The following PRDM16 variants were observed in gnomAD, a reference collection of about 807,000 sequenced individuals.
PRDM16 encodes histone-lysine N-methyltransferase PRDM16.
In PRDM16, 23 loss-of-function variants were observed where a neutral mutation model predicts 110.6. The observed-to-expected ratio is 0.21, with a 90% CI of 0.15 to 0.29. The LOEUF (loss-of-function observed/expected upper bound fraction) is 0.29. PRDM16 is among the 10% of genes least tolerant of loss of function. The probability of loss-of-function intolerance (pLI) is 1.00; values close to 1 mark genes in which losing one functional copy is unlikely to be tolerated. For synonymous variants in PRDM16, 799 were observed against 781.8 expected (o/e 1.02, Z -0.37); for missense variants, 1,615 against 1,794.3 (o/e 0.90, Z 1.81).
At chr1:3,385,924 C>T (rs1035852356) in intron 4 of PRDM16, among the ~76,000 whole-genome samples, 2 of 152,238 alleles carry the variant, frequency 1.3e-5, no homozygotes, top group African/African-American at 4.8e-5. Flanking sequence ...GGCTGGTCCA[C>T]ACCACCACCA....
At position 3,425,788 on chromosome 1, in the gene PRDM16, A is replaced by G; in HGVS notation, c.3109+38A>G. ...GGGTGGGGCAGCCCCCAGAGCACCC[A>G]CACGGGCAGGCCCCACAGAGGGGGA... is the stretch of plus-strand genomic sequence containing the variant. On this transcript the variant is annotated intron_variant, in intron 13 of 16. Coordinates refer to ENST00000270722, the MANE Select transcript of PRDM16 (RefSeq NM_022114.4). This position sits in a 1 kb window ranked among gnomAD's most constrained non-coding sequence, Gnocchi z 6.9. The G allele has an allele frequency of 1.2e-6, 2 of 1,610,070 alleles. No homozygotes were observed. The highest frequency in any genetic ancestry group is 1.7e-6 in the Non-Finnish European group (2 of 1,177,978).
chr1:3,369,148 G>A (rs1220338818), intron 3 of PRDM16, among the ~76,000 whole-genome samples: 1 of 152,172 alleles, frequency 6.6e-6, no homozygotes, highest in African/African-American at 2.4e-5. Flanking sequence ...TTTGTCAAAG[G>A]TGACTAGCTG....
chr1:3,240,244 C>T (rs534611900), intron 2 of PRDM16, among the ~76,000 whole-genome samples: 2 of 151,850 alleles, frequency 1.3e-5, no homozygotes, highest in East Asian at 3.9e-4. Context: ...AGTGAGACCC[C>T]ATCTCTACAA....
Position 3,210,493 on chromosome 1 carries a change from C to T in PRDM16, c.387+24019C>T, listed in dbSNP as rs116166823. On this transcript the variant is annotated intron_variant, in intron 2 of 16. Coordinates refer to ENST00000270722, the MANE Select transcript of PRDM16 (RefSeq NM_022114.4). The stretch of plus-strand genomic sequence containing the variant: ...CATCATGGAAGTGTGTGCGTGCACG[C>T]GTGTGTCTGTGCACGCGTGTGACTT... Among the ~76,000 whole-genome samples the T allele has an allele frequency of 8.0e-3, 1,213 of 152,290 alleles. 15 individuals carry two copies. Among genetic ancestry groups the T allele is most frequent in the African/African-American group, 0.018 (746 of 41,566 alleles).
chr1:3,428,313 G>T (rs58043752), intron 14 of PRDM16, among the ~76,000 whole-genome samples: 1 of 128,546 alleles, frequency 7.8e-6, no homozygotes, highest in Non-Finnish European at 1.7e-5. Context: ...GGTGCAGCCC[G>T]GCCGCACTGC....
At chr1:3,343,440 A>T (rs993216506) in intron 3 of PRDM16, among the ~76,000 whole-genome samples, 5 of 150,198 alleles carry the variant, frequency 3.3e-5, no homozygotes, top group Non-Finnish European at 5.9e-5. Context: ...TTATTTTCTT[A>T]GCTGAGTCTT....
chr1:3,086,780 T>G (rs1037859314), intron 1 of PRDM16, among the ~76,000 whole-genome samples: 1 of 152,182 alleles, frequency 6.6e-6, no homozygotes, highest in Non-Finnish European at 1.5e-5. Context: ...TCTTCATTTC[T>G]TTATTTTTTT....
rs543923000 is a variant in PRDM16, at chr1:3,141,557, G to A, written c.38-44568G>A. On this transcript the variant is annotated intron_variant, in intron 1 of 16. Transcript: ENST00000270722. ...CGTTATCAGTGAGATATCAAAGCCC[G>A]GCCAGGCCTCTGCCCGGACCCTTCT... 5.3e-5 allele frequency among the ~76,000 whole-genome samples: 8 copies of A among 152,340 alleles called. No homozygotes were observed. In the South Asian group the frequency reaches 8.3e-4, roughly 16 times the overall value.
chr1:3,357,210 G>GC (rs1642622428), intron 3 of PRDM16, among the ~76,000 whole-genome samples: 1 of 152,162 alleles, frequency 6.6e-6, no homozygotes, highest in Non-Finnish European at 1.5e-5. Context: ...CTGGCTCTTG[G>GC]CCCCCAGGGT....
intron 1 of PRDM16, among the ~76,000 whole-genome samples, chr1:3,152,807 C>A (rs1365107897): frequency 6.6e-6 from 1 of 152,182 alleles, no homozygotes; most frequent in Non-Finnish European, 1.5e-5. Context: ...ATGGCCTGAG[C>A]CCCAGGAGGT....
At position 3,377,346 on chromosome 1, in the gene PRDM16, C is replaced by T. The variant is rs114288317; in HGVS notation, c.439-7806C>T. ...CTAGGCAAGCTGATGATGGATGCTG[C>T]GGCGTTCCCACCTGCACGCACACCC... On this transcript the variant is annotated intron_variant, in intron 3 of 16. Transcript: ENST00000270722. 4.5e-3 allele frequency among the ~76,000 whole-genome samples: 690 copies of T among 152,320 alleles called. 5 individuals carry two copies. Among genetic ancestry groups the T allele is most frequent in the African/African-American group, 0.015 (640 of 41,578 alleles).
chr1:3,143,195 G>A lies in PRDM16; in HGVS notation c.38-42930G>A, dbSNP rs1483687478. Reference sequence around the variant, plus strand: ...GGGAGTCGCTGGTTTGCAGCCCCTCGGGGGCCGAGTGTTCCGGGCTCTGAT... The same window carrying A: ...GGGAGTCGCTGGTTTGCAGCCCCTCAGGGGCCGAGTGTTCCGGGCTCTGAT... On this transcript the variant is annotated intron_variant, in intron 1 of 16. Coordinates refer to ENST00000270722, the MANE Select transcript of PRDM16 (RefSeq NM_022114.4). The surrounding 1 kb of genome is among the most constrained non-coding windows in gnomAD (Gnocchi z 4.5). Among the ~76,000 whole-genome samples the A allele has an allele frequency of 2.6e-5, 4 of 152,158 alleles. No homozygotes were observed. Among genetic ancestry groups the A allele is most frequent in the Non-Finnish European group, 5.9e-5 (4 of 68,034 alleles).
At chr1:3,361,024 A>G (rs1470886147) in intron 3 of PRDM16, among the ~76,000 whole-genome samples, 1 of 152,056 alleles carries the variant, frequency 6.6e-6, no homozygotes, top group African/African-American at 2.4e-5. Context: ...GAGCGAGGAC[A>G]CTGACTAACA....
chr1:3,419,089 G>A (rs936202684), intron 12 of PRDM16, among the ~76,000 whole-genome samples: 14 of 152,186 alleles, frequency 9.2e-5, no homozygotes, highest in African/African-American at 3.4e-4. Flanking sequence ...GTCCACATGG[G>A]AGAAAACCTC....
At position 3,430,900 on chromosome 1, in the gene PRDM16, G is replaced by A. The variant is rs1358863856; in HGVS notation, c.3313G>A (p.Ala1105Thr). The A allele has an allele frequency of 5.0e-6, 8 of 1,614,146 alleles. No individual in the cohort carries two copies. The highest frequency in any genetic ancestry group is 5.9e-6 in the Non-Finnish European group (7 of 1,180,036). ...GGACATGCAGATCGTGGACGGCAGT[G>A]CCCAGTGTCCAGGCCTAGCCAGTGA... ...RADMQIVDGS[A>T]QCPGLASEKQ... Residue 1105 changes from alanine (A) to threonine (T), a missense_variant, in exon 15 of 17, where the codon GCC (alanine) becomes ACC (threonine). Coordinates refer to ENST00000270722, the MANE Select transcript of PRDM16 (RefSeq NM_022114.4).
intron 3 of PRDM16, among the ~76,000 whole-genome samples, chr1:3,259,308 C>T (rs1024958138): frequency 1.3e-4 from 20 of 152,202 alleles, no homozygotes; most frequent in Admixed American, 1.2e-3. Context: ...GGGGAGACAT[C>T]GCCTGGGCCT....
intron 2 of PRDM16, among the ~76,000 whole-genome samples, chr1:3,232,007 A>AGCGT (rs1639428399): frequency 2.0e-5 from 3 of 152,302 alleles, no homozygotes; most frequent in African/African-American, 7.2e-5. Flanking sequence ...CCATTAGGAA[A>AGCGT]GCATGCAGTC....
At chr1:3,192,816 G>A (rs1196160565) in intron 2 of PRDM16, among the ~76,000 whole-genome samples, 2 of 152,176 alleles carry the variant, frequency 1.3e-5, no homozygotes, top group African/African-American at 4.8e-5. Flanking sequence ...ACACCCGGCT[G>A]CCTTGTTGCC....
In PRDM16 at chr1:3,252,000, G is replaced by A. The variant is rs144518570; in HGVS notation, c.438+7863G>A. On this transcript the variant is annotated intron_variant, in intron 3 of 16. Transcript: ENST00000270722. ...CCTCCTAAGATACCTGCCAAACCTCGTTACCACGATTCTCATCAGCTGGGC... is the reference window on the plus strand; with the variant it reads ...CCTCCTAAGATACCTGCCAAACCTCATTACCACGATTCTCATCAGCTGGGC... 3.6e-3 allele frequency among the ~76,000 whole-genome samples: 542 copies of A among 152,278 alleles called. 3 individuals are homozygous for A. Among genetic ancestry groups the A allele is most frequent in the African/African-American group, 0.012 (503 of 41,560 alleles).
Sources: gnomAD v4.1 joint callset for allele counts (sites outside exome capture counted in the v4.1 genomes callset) on GRCh38, gnomAD v4.1.1 for gene constraint, Gnocchi (gnomAD v3.1) non-coding constraint, MANE v1.5 for transcripts, NCBI Gene and HGNC (gene_info 2026-07-23, HGNC 2026-07-21) for gene names.